Variants in SFSWAP observed in about 807,000 individuals in gnomAD.
SFSWAP encodes splicing factor, suppressor of white-apricot homolog.
A neutral mutation model predicts 100.7 loss-of-function variants in SFSWAP; 17 were observed. The ratio of observed to expected loss-of-function variants is 0.17; its 90% confidence interval spans 0.12 to 0.25. The LOEUF (loss-of-function observed/expected upper bound fraction) is 0.25. Ranked by LOEUF, SFSWAP falls within the 10% of genes least tolerant of loss-of-function variation. The probability of loss-of-function intolerance (pLI) is 1.00; values close to 1 mark genes in which losing one functional copy is unlikely to be tolerated. For synonymous variants in SFSWAP, 504 were observed against 510.1 expected (o/e 0.99, Z 0.16); for missense variants, 1,005 against 1,262.6 (o/e 0.80, Z 3.09).
rs377243288 is a variant in SFSWAP at position 131,799,500 on chromosome 12, C to T, written c.*12C>T. 17 of 1,612,814 alleles carry T rather than the reference C, an allele frequency of 1.1e-5. No homozygotes were observed. In the African/African-American group the frequency reaches 1.2e-4, roughly 11 times the overall value. On this transcript the variant is annotated 3_prime_UTR_variant, in exon 18 of 18. Coordinates refer to ENST00000261674, the MANE Select transcript of SFSWAP (RefSeq NM_004592.4). ...CCAGCGCTTCCTGAGACGGGGCCAGCGGAGGCAGAGCCGGGAGGCTGCGTG... is the reference window on the plus strand; with the variant it reads ...CCAGCGCTTCCTGAGACGGGGCCAGTGGAGGCAGAGCCGGGAGGCTGCGTG...
chr12:131,773,333 C>A (rs1883765099), intron 13 of SFSWAP, among the ~76,000 whole-genome samples: 2 of 152,082 alleles, frequency 1.3e-5, no homozygotes, highest in Admixed American at 1.3e-4. Context: ...TTCTTAGATT[C>A]CACAAATTTT....
chr12:131,791,051 A>C lies in SFSWAP; in HGVS notation c.2534+4463A>C, dbSNP rs559902097. The stretch of plus-strand genomic sequence containing the variant: ...TCTGTAAAATAATTACATTAAATGT[A>C]AGAAGACTAAAGACTAGTTAAAAGG... On this transcript the variant is annotated intron_variant, in intron 15 of 17. Transcript: ENST00000261674. Among the ~76,000 whole-genome samples the C allele has an allele frequency of 2.0e-5, 3 of 152,348 alleles. No individual in the cohort carries two copies. The East Asian group carries it at 5.8e-4, about 29-fold the overall frequency.
At chr12:131,753,526 G>A (rs1881867318) in intron 8 of SFSWAP, 163 bp downstream of exon 8, 1 of 978,732 alleles carries the variant, frequency 1.0e-6, no homozygotes, top group Non-Finnish European at 1.5e-6. Context: ...AAGTTGACAG[G>A]AAAACAGAAA....
chr12:131,712,279 G>A (rs1368666750), intron 1 of SFSWAP: 7 of 152,176 alleles, frequency 4.6e-5, no homozygotes, highest in Non-Finnish European at 1.0e-4. Context: ...CTGGGATTAG[G>A]GATTTCTAAA....
At chr12:131,738,186 T>C (rs930661429) in intron 7 of SFSWAP, among the ~76,000 whole-genome samples, 4 of 152,238 alleles carry the variant, frequency 2.6e-5, no homozygotes, top group Non-Finnish European at 5.9e-5. Flanking sequence ...GTGCCTTTGC[T>C]GTTTATGGTA....
At chr12:131,775,342 C>G (rs1883932173) in intron 13 of SFSWAP, among the ~76,000 whole-genome samples, 2 of 152,184 alleles carry the variant, frequency 1.3e-5, no homozygotes, top group Admixed American at 1.3e-4. Flanking sequence ...GTTGAAAGGA[C>G]CTGCAGCAGC....
intron 13 of SFSWAP, among the ~76,000 whole-genome samples, chr12:131,768,029 G>A (rs960520556): frequency 5.3e-5 from 8 of 152,248 alleles, no homozygotes; most frequent in Admixed American, 1.3e-4. Context: ...CACCCCAGGC[G>A]ATTGCATGCG....
chr12:131,772,699 G>A (rs1278061337), intron 13 of SFSWAP, among the ~76,000 whole-genome samples: 2 of 152,174 alleles, frequency 1.3e-5, no homozygotes, highest in Non-Finnish European at 2.9e-5. Context: ...GTGACCCCTG[G>A]AGCCTCAGAA....
rs527939081 is a variant in SFSWAP at position 131,720,126 on chromosome 12, A to C, written c.606+587A>C. Reference sequence around the variant, plus strand: ...ATTGACCTTTCCTGCTATTTCAGTTATATCACATTAAATTAAGTTATAACA... The same window carrying C: ...ATTGACCTTTCCTGCTATTTCAGTTCTATCACATTAAATTAAGTTATAACA... On this transcript the variant is annotated intron_variant, in intron 4 of 17. Coordinates refer to ENST00000261674, the MANE Select transcript of SFSWAP (RefSeq NM_004592.4). Among the ~76,000 whole-genome samples, 14 of 152,316 alleles carry C rather than the reference A, an allele frequency of 9.2e-5. No homozygotes were observed. In the East Asian group the frequency reaches 2.1e-3, roughly 23 times the overall value.
chr12:131,731,694 A>G (rs1370924538), intron 7 of SFSWAP, among the ~76,000 whole-genome samples: 1 of 152,180 alleles, frequency 6.6e-6, no homozygotes, highest in Non-Finnish European at 1.5e-5. Context: ...AAAGTTCAAG[A>G]TAATATTGTT....
At chr12:131,763,790 A>G (rs146636135) in intron 11 of SFSWAP, among the ~76,000 whole-genome samples, 164 of 152,230 alleles carry the variant, frequency 1.1e-3, no homozygotes, top group African/African-American at 3.5e-3. Flanking sequence ...TCCTGAAGCA[A>G]ATTTAGATAT....
intron 7 of SFSWAP, among the ~76,000 whole-genome samples, chr12:131,747,959 G>A (rs912015732): frequency 2.0e-5 from 3 of 152,200 alleles, no homozygotes; most frequent in African/African-American, 7.2e-5. Context: ...TTAGATCCAG[G>A]AAAAGAGACC....
Position 131,789,969 on chromosome 12 carries a change from G to A in SFSWAP, c.2534+3381G>A, listed in dbSNP as rs115856612. On this transcript the variant is annotated intron_variant, in intron 15 of 17. Transcript: ENST00000261674. ...ATCCAGGAGGTGACACTGAAGCAGC[G>A]CGGCTCTCCTGCTCCCAGCAGCTGT... Among the ~76,000 whole-genome samples, 1,464 of 152,270 alleles carry A rather than the reference G, an allele frequency of 9.6e-3. 28 individuals are homozygous for A. The highest frequency in any genetic ancestry group is 0.034 in the African/African-American group (1,407 of 41,554).
At chr12:131,727,141 G>T in intron 6 of SFSWAP, 89 bp downstream of exon 6, 1 of 743,226 alleles carries the variant, frequency 1.3e-6, no homozygotes, top group East Asian at 2.6e-5. Context: ...TGTCATTCTT[G>T]TGTGTTACAG....
intron 7 of SFSWAP, among the ~76,000 whole-genome samples, chr12:131,746,171 A>G (rs1463600102): frequency 2.0e-5 from 3 of 152,366 alleles, no homozygotes; most frequent in Non-Finnish European, 4.4e-5. Context: ...CATGCACATC[A>G]TCTTTGCAGT....
chr12:131,750,645 T>G (rs1881539488), intron 7 of SFSWAP, among the ~76,000 whole-genome samples: 2 of 152,340 alleles, frequency 1.3e-5, no homozygotes, highest in South Asian at 4.1e-4. Context: ...TGGAGTGTTT[T>G]CAGATTTGGG....
chr12:131,765,983 T>A (rs1208612190), intron 12 of SFSWAP, 135 bp from the exon 13 acceptor site: 24 of 785,890 alleles, frequency 3.1e-5, no homozygotes, highest in Non-Finnish European at 4.5e-5. Flanking sequence ...CAAAATTTGA[T>A]TTGTCCAATG....
intron 4 of SFSWAP, among the ~76,000 whole-genome samples, chr12:131,719,793 T>C (rs899233976): frequency 1.9e-4 from 29 of 152,196 alleles, no homozygotes; most frequent in African/African-American, 7.0e-4. Context: ...GCCATGTAGT[T>C]GAATCCCCAG....
intron 7 of SFSWAP, among the ~76,000 whole-genome samples, chr12:131,745,017 C>T (rs1310893383): frequency 6.6e-6 from 1 of 152,226 alleles, no homozygotes; most frequent in Non-Finnish European, 1.5e-5. Flanking sequence ...CCTCCCACAA[C>T]ACATGGGAAT....
Sources: gnomAD v4.1 joint callset for allele counts (sites outside exome capture counted in the v4.1 genomes callset) on GRCh38, gnomAD v4.1.1 for gene constraint, MANE v1.5 for transcripts, NCBI Gene and HGNC (gene_info 2026-07-23, HGNC 2026-07-21) for gene names.